The following NEDD9 variants were observed in gnomAD, a reference collection of about 807,000 sequenced individuals.
NEDD9 encodes neural precursor cell expressed, developmentally down-regulated 9.
In NEDD9, 26 loss-of-function variants were observed where a neutral mutation model predicts 76.6. That is an observed-to-expected ratio of 0.34 (90% CI 0.25 to 0.47). NEDD9 has a LOEUF of 0.47. Among genes scored for constraint, NEDD9 ranks in the 20% least tolerant of loss-of-function variants. The pLI, the probability that NEDD9 is intolerant of heterozygous loss-of-function variation, is 1.00. For missense variants in NEDD9, 937 were observed against 1,058.5 expected (o/e 0.89, Z 1.59); for synonymous variants, 392 against 414.2 (o/e 0.95, Z 0.65).
chr6:11,239,992 C>A (rs966656870), intron 3 of NEDD9, among the ~76,000 whole-genome samples: 20 of 139,768 alleles, frequency 1.4e-4, no homozygotes, highest in Non-Finnish European at 2.7e-4. Context: ...TTCAGTGAGC[C>A]AAGATCGAGC....
In NEDD9 at chr6:11,213,845, GAAC is replaced by G; in HGVS notation, c.13-121_13-119del. The G allele has an allele frequency of 2.2e-6, 2 of 896,078 alleles. No individual in the cohort carries two copies. The highest frequency in any genetic ancestry group is 3.4e-6 in the Non-Finnish European group (2 of 590,196). The allele number at this position is 896,078 out of a possible 1,614,324, so 55.5% of individuals were successfully genotyped here. On this transcript the variant is annotated intron_variant, in intron 1 of 6. Transcript: ENST00000379446. The surrounding 1 kb of genome is among the most constrained non-coding windows in gnomAD (Gnocchi z 5.4). ...CCTGGAAAGAGAGAAGCATAAATCT[GAAC>G]AATAGACTGTAAGGAGAAAAACAGA...
intron 2 of NEDD9, among the ~76,000 whole-genome samples, chr6:11,306,940 G>T (rs1341486030): frequency 1.3e-5 from 2 of 152,158 alleles, no homozygotes; most frequent in Non-Finnish European, 2.9e-5. Context: ...TTTTGAGATG[G>T]TGTGTGTGTA....
In NEDD9 at chr6:11,191,091, C is replaced by A; in HGVS notation, c.778G>T (p.Val260Phe). 6.2e-7 allele frequency: 1 copy of A among 1,613,972 alleles called. No individual in the cohort carries two copies. Among genetic ancestry groups the A allele is most frequent in the Non-Finnish European group, 8.5e-7 (1 of 1,180,020 alleles). ...GTGCAGGTTGGAGGAATGTCATAAACCCCCTCCGGTCTGAGGTCCGGCCTT... is the reference window on the plus strand; with the variant it reads ...GTGCAGGTTGGAGGAATGTCATAAAACCCCTCCGGTCTGAGGTCCGGCCTT... ...AGRPDLRPEG[V>F]YDIPPTCTKP... is the part of the protein sequence containing the mutation. The change falls in exon 5 of 7, where the codon GTT becomes TTT. Residue 260 changes from valine to phenylalanine, a missense_variant. Coordinates refer to ENST00000379446, the MANE Select transcript of NEDD9 (RefSeq NM_006403.4).
At chr6:11,316,380 C>T (rs998465407) in intron 2 of NEDD9, among the ~76,000 whole-genome samples, 1 of 152,162 alleles carries the variant, frequency 6.6e-6, no homozygotes, top group Non-Finnish European at 1.5e-5. Context: ...TCCTTCATCT[C>T]CCTTTACTCT....
At position 11,190,444 on chromosome 6, in the gene NEDD9, G is replaced by A; in HGVS notation, c.1425C>T (p.Cys475=). ...TGTTGTGGAGGATGAGTTCCGGGAG[G>A]CAGGCAGCATTTGCAACAGCTCCCT... ...FVKGAVANAA[C]LPELILHNKM... The change falls in exon 5 of 7, where the codon TGC becomes TGT. Residue 475 remains cysteine, a synonymous_variant. Transcript: ENST00000379446. This position sits in a 1 kb window ranked among gnomAD's most constrained non-coding sequence, Gnocchi z 5.8. 1 of 1,614,188 alleles carries A rather than the reference G, an allele frequency of 6.2e-7. No individual in the cohort carries two copies.
At chr6:11,321,767 C>A (rs1273061134) in intron 2 of NEDD9, among the ~76,000 whole-genome samples, 1 of 152,202 alleles carries the variant, frequency 6.6e-6, no homozygotes, top group Non-Finnish European at 1.5e-5. Flanking sequence ...CAACTTAAGG[C>A]TGATCCAGGT....
At chr6:11,217,924 T>A (rs1328929383) in intron 1 of NEDD9, among the ~76,000 whole-genome samples, 1 of 152,336 alleles carries the variant, frequency 6.6e-6, no homozygotes, top group East Asian at 1.9e-4. Flanking sequence ...TACCACTTTT[T>A]CGTTCTCTGT....
chr6:11,262,418 A>G lies in NEDD9; in HGVS notation c.12+43574T>C, dbSNP rs112186930. ...TACCCTCCCAGACTGTGCAATCAAG[A>G]GCATGCGGTCTAAATTCCCTTCCTG... is the stretch of plus-strand genomic sequence containing the variant. On this transcript the variant is annotated intron_variant, in intron 3 of 3. Transcript: ENST00000397378. 9.8e-5 allele frequency among the ~76,000 whole-genome samples: 15 copies of G among 152,304 alleles called. 1 individual carries two copies. The highest frequency in any genetic ancestry group is 3.4e-4 in the African/African-American group (14 of 41,564).
At chr6:11,235,192 T>G (rs937783199), upstream of NEDD9, among the ~76,000 whole-genome samples, 15 of 152,190 alleles carry the variant, frequency 9.9e-5, no homozygotes, top group Admixed American at 9.2e-4. This position sits in a 1 kb window ranked among gnomAD's most constrained non-coding sequence, Gnocchi z 4.1. Context: ...TTATTTTAAT[T>G]AATATCAGAT....
At chr6:11,280,800 A>G (rs1163393036) in intron 3 of NEDD9, among the ~76,000 whole-genome samples, 4 of 152,222 alleles carry the variant, frequency 2.6e-5, no homozygotes. Flanking sequence ...TGGCCACTGC[A>G]TTGCCCTTGG....
chr6:11,214,186 T>A, intron 1 of NEDD9: 1 of 518,956 alleles, frequency 1.9e-6, no homozygotes, highest in Non-Finnish European at 3.8e-6. Context: ...TAACACACAG[T>A]ACAAATAGCA....
chr6:11,192,584 C>A (rs1758176736), intron 3 of NEDD9, 138 bp from the exon 4 acceptor site: 1 of 549,956 alleles, frequency 1.8e-6, no homozygotes. Context: ...CATGTTATAA[C>A]AGATTTATTG....
chr6:11,281,586 T>C (rs753153968), intron 3 of NEDD9, among the ~76,000 whole-genome samples: 1 of 152,050 alleles, frequency 6.6e-6, no homozygotes, highest in Non-Finnish European at 1.5e-5. Context: ...ACTCCTGCAC[T>C]CAAGGGATCC....
chr6:11,191,243 G>A, intron 4 of NEDD9, 38 bp from the exon 5 acceptor site: 1 of 1,532,962 alleles, frequency 6.5e-7, no homozygotes, highest in Non-Finnish European at 8.7e-7. Flanking sequence ...TATTTATTGA[G>A]TTGGCTCATG....
Position 11,276,456 on chromosome 6 carries a change from T to C in NEDD9, c.12+29536A>G, listed in dbSNP as rs1581994539. Among the ~76,000 whole-genome samples the C allele has an allele frequency of 2.6e-5, 4 of 152,248 alleles. No homozygotes were observed. The South Asian group carries it at 8.3e-4, about 32-fold the overall frequency. On this transcript the variant is annotated intron_variant, in intron 3 of 3. Transcript: ENST00000397378. ...ACATGCTGAGTCTTCTCTCCTTATC[T>C]AAAATGTAAGTTCCTTGAGGGTAGG...
At chr6:11,212,397 C>A (rs1301811089) in intron 2 of NEDD9, among the ~76,000 whole-genome samples, 3 of 152,206 alleles carry the variant, frequency 2.0e-5, no homozygotes, top group African/African-American at 7.2e-5. Flanking sequence ...GTGTCCCTAC[C>A]TAGCATTCTC....
At chr6:11,285,465 CT>C (rs1026456896) in intron 3 of NEDD9, among the ~76,000 whole-genome samples, 1 of 151,778 alleles carries the variant, frequency 6.6e-6, no homozygotes, top group African/African-American at 2.4e-5. Context: ...GCCCAGTAGG[CT>C]TTTTTTTGTA....
intron 1 of NEDD9, among the ~76,000 whole-genome samples, chr6:11,337,158 C>A (rs1762178417): frequency 6.6e-6 from 1 of 152,136 alleles, no homozygotes; most frequent in South Asian, 2.1e-4. Flanking sequence ...GCGGAGGTTG[C>A]AGTGAGCCCA....
chr6:11,251,861 G>C (rs1438401295), intron 3 of NEDD9: 1 of 152,246 alleles, frequency 6.6e-6, no homozygotes, highest in Non-Finnish European at 1.5e-5. Flanking sequence ...TAATTTCTCT[G>C]TGGCTCAGTG....
Sources: gnomAD v4.1 joint callset for allele counts (sites outside exome capture counted in the v4.1 genomes callset) on GRCh38, gnomAD v4.1.1 for gene constraint, Gnocchi (gnomAD v3.1) non-coding constraint, MANE v1.5 for transcripts, NCBI Gene and HGNC (gene_info 2026-07-23, HGNC 2026-07-21) for gene names.